Variants in SUPT5H observed in about 807,000 individuals in gnomAD.
The protein encoded by SUPT5H is SPT5 homolog, DSIF elongation factor subunit, also known as transcription elongation factor SPT5.
SUPT5H carries 24 observed loss-of-function variants against 142.5 expected under a neutral mutation model. That is an observed-to-expected ratio of 0.17 (90% CI 0.12 to 0.24). The LOEUF (loss-of-function observed/expected upper bound fraction) is 0.24, where lower values mean the gene tolerates loss of function less well. Among genes scored for constraint, SUPT5H ranks in the 10% least tolerant of loss-of-function variants. SUPT5H has a pLI of 1.00. For missense variants in SUPT5H, 893 were observed against 1,471.8 expected, an observed-to-expected ratio of 0.61 and a Z score of 6.43; for synonymous variants, 546 against 553.0, an observed-to-expected ratio of 0.99 and a Z score of 0.18.
intron 11 of SUPT5H, among the ~76,000 whole-genome samples, chr19:39,465,369 G>A (rs1307744625): frequency 6.6e-6 from 1 of 152,232 alleles, no homozygotes; most frequent in African/African-American, 2.4e-5. Flanking sequence ...GGCGTGAGAT[G>A]AGTTAGGGAG....
rs553191169 is a variant in SUPT5H at position 39,470,229 on chromosome 19, G to A, written c.1485G>A (p.Val495=). Reference sequence around the variant, plus strand: ...GCGACACAGGCCTCATTGTGCGGGTGGAGGAGAATTTCGTTATCCTGTTCT... The same window carrying A: ...GCGACACAGGCCTCATTGTGCGGGTAGAGGAGAATTTCGTTATCCTGTTCT... ...FEGDTGLIVR[V]EENFVILFSD... The change falls in exon 17 of 30, where the codon GTG becomes GTA. Residue 495 remains valine, a synonymous_variant. Coordinates refer to ENST00000432763, the MANE Select transcript of SUPT5H (RefSeq NM_001111020.3). The surrounding 1 kb of genome is among the most constrained non-coding windows in gnomAD (Gnocchi z 5.8). 7 of 1,599,222 alleles carry A rather than the reference G, an allele frequency of 4.4e-6. No homozygotes were observed. Among genetic ancestry groups the A allele is most frequent in the African/African-American group, 1.3e-5 (1 of 74,662 alleles).
chr19:39,473,404 C>A lies in SUPT5H; in HGVS notation c.2387-12C>A, dbSNP rs1345513252. 8 of 1,613,074 alleles carry A rather than the reference C, an allele frequency of 5.0e-6. No homozygotes were observed. The South Asian group carries it at 7.7e-5, about 15-fold the overall frequency. ...AGGGACAGGACAGACACACTCATTTCCCCCATTCCAGGTAGCCGCACCCCA... is the reference window on the plus strand; with the variant it reads ...AGGGACAGGACAGACACACTCATTTACCCCATTCCAGGTAGCCGCACCCCA... On this transcript the variant is annotated splice_polypyrimidine_tract_variant and intron_variant, in intron 24 of 29. Coordinates refer to ENST00000432763, the MANE Select transcript of SUPT5H (RefSeq NM_001111020.3). The surrounding 1 kb of genome is among the most constrained non-coding windows in gnomAD (Gnocchi z 5.8).
chr19:39,460,145 T>A, intron 10 of SUPT5H, 185 bp downstream of exon 10: 1 of 624,744 alleles, frequency 1.6e-6, no homozygotes, highest in East Asian at 2.8e-5. Context: ...ATGGATATGT[T>A]GTCTTTGTTC....
intron 3 of SUPT5H, among the ~76,000 whole-genome samples, chr19:39,454,150 C>A (rs1023559735): frequency 7.9e-5 from 12 of 152,120 alleles, no homozygotes; most frequent in Non-Finnish European, 1.6e-4. Context: ...TGTGAAAGAG[C>A]CAGTGACACA....
Position 39,458,509 on chromosome 19 carries a change from G to A in SUPT5H, c.319+204G>A, listed in dbSNP as rs1483733090. The A allele has an allele frequency of 3.0e-6, 3 of 989,146 alleles. No homozygotes were observed. The highest frequency in any genetic ancestry group is 4.5e-6 in the Non-Finnish European group (3 of 667,694). 61.3% of individuals were successfully genotyped at this position (989,146 alleles called of 1,614,324 possible). On this transcript the variant is annotated intron_variant, in intron 5 of 29. Transcript: ENST00000432763. This position sits in a 1 kb window ranked among gnomAD's most constrained non-coding sequence, Gnocchi z 4.2. Reference sequence around the variant, plus strand: ...GACCTGGGAAAGCACGGATGTGTCTGTCTGGGACTGAGCATTTGTGGGTGG... The same window carrying A: ...GACCTGGGAAAGCACGGATGTGTCTATCTGGGACTGAGCATTTGTGGGTGG...
intron 13 of SUPT5H, chr19:39,467,596 T>C (rs2079259878): frequency 6.6e-6 from 1 of 151,922 alleles, no homozygotes. Flanking sequence ...GGGTATGGAG[T>C]GCCTTTCCCT....
chr19:39,449,576 A>G (rs545104076), intron 2 of SUPT5H, among the ~76,000 whole-genome samples: 12 of 151,486 alleles, frequency 7.9e-5, no homozygotes, highest in African/African-American at 2.2e-4. Context: ...TTGTGAGCAT[A>G]GAGGATGTGC....
intron 10 of SUPT5H, among the ~76,000 whole-genome samples, chr19:39,463,006 ATTT>A (rs34217986): frequency 1.9e-5 from 2 of 103,082 alleles, no homozygotes; most frequent in African/African-American, 3.8e-5. Flanking sequence ...TGCCCAGCTA[ATTT>A]TTTTTTTTTT....
chr19:39,474,181 C>G lies in SUPT5H; in HGVS notation c.2652-53C>G, dbSNP rs551445037. ...GCCCAAACCCTCCTACTGCCACCACCTCTTTTCCCCTCCCTCCTCCAACAA... is the reference window on the plus strand; with the variant it reads ...GCCCAAACCCTCCTACTGCCACCACGTCTTTTCCCCTCCCTCCTCCAACAA... On this transcript the variant is annotated intron_variant, in intron 26 of 29. Transcript: ENST00000432763. This position sits in a 1 kb window ranked among gnomAD's most constrained non-coding sequence, Gnocchi z 6.5. 3.1e-6 allele frequency: 5 copies of G among 1,612,028 alleles called. No individual in the cohort carries two copies. Among genetic ancestry groups the G allele is most frequent in the South Asian group, 1.1e-5 (1 of 90,758 alleles).
chr19:39,474,740 G>A lies in SUPT5H; in HGVS notation c.3024+22G>A, dbSNP rs373484983. 2.8e-5 allele frequency: 45 copies of A among 1,591,654 alleles called. No individual in the cohort carries two copies. Among genetic ancestry groups the A allele is most frequent in the Non-Finnish European group, 3.8e-5 (44 of 1,169,128 alleles). ...CACGGTACGTGGGGCCCAGGGTGGT[G>A]GGTGAGCAGGCATCCTCTCCTTGGT... On this transcript the variant is annotated intron_variant, in intron 28 of 29. Coordinates refer to ENST00000432763, the MANE Select transcript of SUPT5H (RefSeq NM_001111020.3). This position sits in a 1 kb window ranked among gnomAD's most constrained non-coding sequence, Gnocchi z 6.5.
In SUPT5H at chr19:39,474,634, A is replaced by G. The variant is rs2079376029; in HGVS notation, c.2940A>G (p.Val980=). 6.2e-7 allele frequency: 1 copy of G among 1,614,096 alleles called. No individual in the cohort carries two copies. The highest frequency in any genetic ancestry group is 8.5e-7 in the Non-Finnish European group (1 of 1,180,044). The change falls in exon 28 of 30, where the codon GTA becomes GTG. Residue 980 remains valine (V), a synonymous_variant. Transcript: ENST00000432763. The surrounding 1 kb of genome is among the most constrained non-coding windows in gnomAD (Gnocchi z 6.5). The stretch of plus-strand genomic sequence containing the variant: ...TCGAGCAGAACTCCAGCGACTGGGT[A>G]ACCACTGACATTCAGGTGAAGGTGC... ...SGIEQNSSDW[V]TTDIQVKVRD...
At chr19:39,452,272 GAA>G in intron 2 of SUPT5H, among the ~76,000 whole-genome samples, 1 of 152,110 alleles carries the variant, frequency 6.6e-6, no homozygotes, top group East Asian at 1.9e-4. Context: ...TTGAGTTCTG[GAA>G]AAAAGTGGGA....
At chr19:39,459,506 T>C in intron 8 of SUPT5H, 53 bp from the exon 9 acceptor site, 1 of 1,609,992 alleles carries the variant, frequency 6.2e-7, no homozygotes, top group South Asian at 1.1e-5. Context: ...TTCGTCTGTT[T>C]GTTACTGAAG....
intron 10 of SUPT5H, among the ~76,000 whole-genome samples, chr19:39,464,386 G>T (rs781751857): frequency 3.4e-5 from 5 of 146,008 alleles, no homozygotes; most frequent in African/African-American, 5.1e-5. Context: ...AAGAGACAGG[G>T]TTTCACTCTG....
At chr19:39,449,668 G>A (rs1243675155) in intron 2 of SUPT5H, among the ~76,000 whole-genome samples, 1 of 150,814 alleles carries the variant, frequency 6.6e-6, no homozygotes, top group Non-Finnish European at 1.5e-5. Flanking sequence ...TTGTCTTGGT[G>A]TCTTGCTCTG....
Position 39,468,850 on chromosome 19 carries a change from A to G in SUPT5H, c.1132A>G (p.Met378Val). The change falls in exon 14 of 30, where the codon ATG becomes GTG. Residue 378 changes from methionine (M) to valine (V), a missense_variant. Physicochemically the swap from Met to Val is conservative, Grantham distance 21. Transcript: ENST00000432763. ...GGGCTTTCTGTTCAAGAGCTTCGCC[A>G]TGTCTGCTGTGGTGAGGGTCCCAGA... ...RKGFLFKSFA[M>V]SAVITEGVKP... 1 of 1,614,056 alleles carries G rather than the reference A, an allele frequency of 6.2e-7. No homozygotes were observed. Among genetic ancestry groups the G allele is most frequent in the Non-Finnish European group, 8.5e-7 (1 of 1,180,002 alleles).
rs754290520 is a variant in SUPT5H at position 39,470,291 on chromosome 19, G to A, written c.1530+17G>A. ...ATGCATGAGGTAGGTGGATAGAAGGGTCGGGGAAGGGTGCACGTGCCAAGA... is the reference window on the plus strand; with the variant it reads ...ATGCATGAGGTAGGTGGATAGAAGGATCGGGGAAGGGTGCACGTGCCAAGA... On this transcript the variant is annotated intron_variant, in intron 17 of 29. Transcript: ENST00000432763. The surrounding 1 kb of genome is among the most constrained non-coding windows in gnomAD (Gnocchi z 5.8). 6.4e-7 allele frequency: 1 copy of A among 1,555,686 alleles called. No individual in the cohort carries two copies. The highest frequency in any genetic ancestry group is 1.2e-5 in the South Asian group (1 of 82,726).
At chr19:39,446,046 G>T in intron 2 of SUPT5H, 81 bp downstream of exon 2, 1 of 1,452,444 alleles carries the variant, frequency 6.9e-7, no homozygotes, top group Non-Finnish European at 9.4e-7. Context: ...GAGGCTCGAG[G>T]GGTTCACAGC....
intron 28 of SUPT5H, chr19:39,475,133 A>G (rs7245986): frequency 0.43 from 81,821 of 191,408 alleles, 18,387 homozygotes; most frequent in African/African-American, 0.59. Flanking sequence ...TAATCCCAGC[A>G]CTCTGGGAGG....
Sources: allele counts gnomAD v4.1 joint callset (sites outside exome capture counted in the v4.1 genomes callset), GRCh38; gene constraint gnomAD v4.1.1; non-coding constraint Gnocchi (gnomAD v3.1); transcripts MANE v1.5; gene names NCBI Gene and HGNC (gene_info 2026-07-23, HGNC 2026-07-21).